Variants in ATP9B observed in about 807,000 individuals in gnomAD.
ATP9B encodes the protein ATPase phospholipid transporting 9B, also known as probable phospholipid-transporting ATPase IIB.
ATP9B carries 110 observed loss-of-function variants against 146.1 expected under a neutral mutation model. The observed-to-expected ratio is 0.75, with a 90% CI of 0.65 to 0.88. ATP9B has a LOEUF of 0.88. ATP9B is among the 40% of genes least tolerant of loss of function. The probability of loss-of-function intolerance (pLI) is 0.00; values close to 1 mark genes in which losing one functional copy is unlikely to be tolerated. For missense variants in ATP9B, 1,499 were observed against 1,496.4 expected, an observed-to-expected ratio of 1.00 and a Z score of -0.03; for synonymous variants, 604 against 569.7, an observed-to-expected ratio of 1.06 and a Z score of -0.86.
rs2096974251 is a variant in ATP9B, at chr18:79,359,481, C to T, written c.3012+19C>T. ...CACCAAGGTACGGGCCTCAGGCAAG[C>T]TGTCTGCCTCACGACTAGCACCCAC... On this transcript the variant is annotated intron_variant, in intron 26 of 29. Coordinates refer to ENST00000426216, the MANE Select transcript of ATP9B (RefSeq NM_198531.5). 1 of 1,576,010 alleles carries T rather than the reference C, an allele frequency of 6.3e-7. No individual in the cohort carries two copies. The highest frequency in any genetic ancestry group is 1.7e-5 in the Admixed American group (1 of 59,858).
chr18:79,221,607 G>T (rs1228104002), intron 11 of ATP9B, among the ~76,000 whole-genome samples: 1 of 152,066 alleles, frequency 6.6e-6, no homozygotes, highest in Non-Finnish European at 1.5e-5. Context: ...TGTATTCCCA[G>T]CTACGCAAGA....
chr18:79,107,818 A>G (rs1163964814), intron 2 of ATP9B, among the ~76,000 whole-genome samples: 1 of 152,176 alleles, frequency 6.6e-6, no homozygotes, highest in African/African-American at 2.4e-5. Context: ...AGCTCAGTGA[A>G]TGGACATGAT....
In ATP9B at chr18:79,376,965, G is replaced by T. The variant is rs529605958; in HGVS notation, c.3308-282G>T. ...CCGTCTGCCTTGGCCTCCCAAAAGT[G>T]CTGGGATTATAGGCATGAGCCACTG... is the stretch of plus-strand genomic sequence containing the variant. On this transcript the variant is annotated intron_variant, in intron 29 of 29. Transcript: ENST00000426216. 2.0e-5 allele frequency among the ~76,000 whole-genome samples: 3 copies of T among 152,322 alleles called. No homozygotes were observed. In the South Asian group the frequency reaches 6.2e-4, roughly 32 times the overall value.
chr18:79,085,739 G>C (rs2073760863), intron 1 of ATP9B: 1 of 152,146 alleles, frequency 6.6e-6, no homozygotes, highest in South Asian at 2.1e-4. Context: ...GCTTTTGCCA[G>C]CAGTGTGACT....
intron 13 of ATP9B, among the ~76,000 whole-genome samples, chr18:79,279,159 G>A (rs1397857127): frequency 6.6e-6 from 1 of 152,114 alleles, no homozygotes; most frequent in Non-Finnish European, 1.5e-5. Flanking sequence ...TGCCCCCTGC[G>A]AGGGCTGCTT....
chr18:79,250,242 C>T (rs2096009688), intron 11 of ATP9B, among the ~76,000 whole-genome samples: 1 of 152,182 alleles, frequency 6.6e-6, no homozygotes, highest in Admixed American at 6.6e-5. Flanking sequence ...TTTACAGTTC[C>T]TCACTGCTAT....
intron 24 of ATP9B, 98 bp from the exon 25 acceptor site, chr18:79,348,034 T>C: frequency 1.2e-5 from 19 of 1,599,412 alleles, no homozygotes; most frequent in Non-Finnish European, 1.6e-5. Flanking sequence ...CGGAAGTACC[T>C]GGGCTGTGCT....
intron 4 of ATP9B, among the ~76,000 whole-genome samples, chr18:79,113,638 G>A (rs1461903581): frequency 6.6e-6 from 1 of 152,164 alleles, no homozygotes; most frequent in Non-Finnish European, 1.5e-5. Flanking sequence ...AAGGTTGCAG[G>A]TCATCAGCAG....
At chr18:79,263,298 C>T (rs768738647) in intron 12 of ATP9B, among the ~76,000 whole-genome samples, 4 of 152,278 alleles carry the variant, frequency 2.6e-5, no homozygotes, top group Non-Finnish European at 4.4e-5. Flanking sequence ...ACCCAAGTCC[C>T]ACAGTGGGCC....
chr18:79,355,201 G>A (rs1477114177), intron 25 of ATP9B, among the ~76,000 whole-genome samples: 1 of 152,224 alleles, frequency 6.6e-6, no homozygotes, highest in Non-Finnish European at 1.5e-5. Flanking sequence ...AGAAAATTCA[G>A]TCTTTACCCG....
intron 4 of ATP9B, among the ~76,000 whole-genome samples, chr18:79,121,480 C>A (rs950011852): frequency 6.6e-6 from 1 of 152,200 alleles, no homozygotes; most frequent in African/African-American, 2.4e-5. Context: ...CTTGCTTACT[C>A]CAGTCCTCCA....
intron 2 of ATP9B, 152 bp from the exon 3 acceptor site, chr18:79,110,203 A>T (rs564977254): frequency 7.4e-6 from 5 of 673,704 alleles, no homozygotes; most frequent in African/African-American, 1.9e-5. Flanking sequence ...CCAACCTATT[A>T]TAAGAAAAAC....
chr18:79,087,549 GTTTATT>G (rs1245199517), intron 1 of ATP9B: 2 of 152,136 alleles, frequency 1.3e-5, no homozygotes, highest in Non-Finnish European at 2.9e-5. Context: ...AAGTGGGAGT[GTTTATT>G]TTTAAAGAAG....
intron 1 of ATP9B, among the ~76,000 whole-genome samples, chr18:79,072,578 T>G (rs141647482): frequency 0.027 from 3,163 of 118,374 alleles, 103 homozygotes; most frequent in African/African-American, 0.074. Flanking sequence ...AACAATCTGA[T>G]CTCTCTTTCT....
At chr18:79,249,273 T>G (rs1227614152) in intron 11 of ATP9B, among the ~76,000 whole-genome samples, 1 of 152,224 alleles carries the variant, frequency 6.6e-6, no homozygotes, top group African/African-American at 2.4e-5. Context: ...GCAATTATTG[T>G]GTTCATTATC....
In ATP9B at chr18:79,273,124, T is replaced by A. The variant is rs377577937; in HGVS notation, c.1269-3930T>A. 2.6e-4 allele frequency among the ~76,000 whole-genome samples: 40 copies of A among 152,306 alleles called. 2 individuals carry two copies. In the South Asian group the frequency reaches 8.3e-3, roughly 32 times the overall value. On this transcript the variant is annotated intron_variant, in intron 12 of 29. Transcript: ENST00000426216. ...GCTGAGGAAGAGTACATGTGCGTGT[T>A]TTATTTTGTTTGGCCCATAAGGGGA...
At chr18:79,266,914 T>C (rs1300814369) in intron 12 of ATP9B, among the ~76,000 whole-genome samples, 1 of 152,112 alleles carries the variant, frequency 6.6e-6, no homozygotes, top group Non-Finnish European at 1.5e-5. Context: ...ATTTTTAATT[T>C]TCATACCATT....
At chr18:79,154,693 A>G (rs529153702) in intron 7 of ATP9B, 138 bp downstream of exon 7, 152 of 504,044 alleles carry the variant, frequency 3.0e-4, no homozygotes, top group African/African-American at 1.3e-3. Flanking sequence ...TAGAAATGCT[A>G]TTTTACTTTG....
At chr18:79,075,548 A>G (rs937378957) in intron 1 of ATP9B, among the ~76,000 whole-genome samples, 6 of 152,174 alleles carry the variant, frequency 3.9e-5, no homozygotes, top group African/African-American at 1.4e-4. Flanking sequence ...CACTTTTATC[A>G]TTATGTAGTT....
Sources: gnomAD v4.1 joint callset for allele counts (sites outside exome capture counted in the v4.1 genomes callset) on GRCh38, gnomAD v4.1.1 for gene constraint, MANE v1.5 for transcripts, NCBI Gene and HGNC (gene_info 2026-07-23, HGNC 2026-07-21) for gene names.